TENT5C: variants seen among roughly 807,000 people sequenced by gnomAD.
TENT5C encodes terminal nucleotidyltransferase 5C.
TENT5C carries 5 observed loss-of-function variants against 22.2 expected under a neutral mutation model. The observed-to-expected ratio is 0.22, with a 90% confidence interval of 0.12 to 0.47. TENT5C has a LOEUF of 0.47. Among genes scored for constraint, TENT5C ranks in the 20% least tolerant of loss-of-function variants. The pLI, the probability that TENT5C is intolerant of heterozygous loss-of-function variation, is 0.99. For missense variants in TENT5C, 364 were observed against 500.9 expected (o/e 0.73, Z 2.61); for synonymous variants, 199 against 195.4 (o/e 1.02, Z -0.15).
In TENT5C at chr1:117,622,914, G is replaced by A. The variant is rs34495780; in HGVS notation, c.46G>A (p.Val16Met). 1.1e-4 allele frequency: 170 copies of A among 1,613,870 alleles called. 1 individual carries two copies. The highest frequency in any genetic ancestry group is 1.3e-4 in the Non-Finnish European group (153 of 1,179,888). Residue 16 changes from valine (V) to methionine (M), a missense_variant, in exon 2 of 2, where the codon GTG (valine) becomes ATG (methionine). Coordinates refer to ENST00000369448, the MANE Select transcript of TENT5C (RefSeq NM_017709.4). ...SCTRDCMSFS[V>M]LNWDQVSRLH... The stretch of plus-strand genomic sequence containing the variant: ...TACCAGGGATTGCATGTCCTTCAGC[G>A]TGCTCAACTGGGATCAGGTTAGCCG...
At chr1:117,610,584 G>A (rs1653648670) in intron 1 of TENT5C, among the ~76,000 whole-genome samples, 1 of 152,190 alleles carries the variant, frequency 6.6e-6, no homozygotes, top group Non-Finnish European at 1.5e-5. Flanking sequence ...CTGGAGTGCA[G>A]TAGCACGATC....
rs530567437 is a variant in TENT5C at position 117,616,345 on chromosome 1, C to T, written c.-27-6497C>T. ...TGGACTTGGAGTCGTGGTTGTCATTCACTCTTGTTAAGGGAAGAAGTGGGA... is the reference window on the plus strand; with the variant it reads ...TGGACTTGGAGTCGTGGTTGTCATTTACTCTTGTTAAGGGAAGAAGTGGGA... On this transcript the variant is annotated intron_variant, in intron 1 of 1. Coordinates refer to ENST00000369448, the MANE Select transcript of TENT5C (RefSeq NM_017709.4). 1.5e-3 allele frequency among the ~76,000 whole-genome samples: 223 copies of T among 152,324 alleles called. 2 individuals carry two copies. The highest frequency in any genetic ancestry group is 1.8e-3 in the Non-Finnish European group (123 of 68,024).
chr1:117,624,640 A>G lies in TENT5C; in HGVS notation c.*596A>G, dbSNP rs1231568160. 3.6e-5 allele frequency: 9 copies of G among 248,258 alleles called. No homozygotes were observed. The highest frequency in any genetic ancestry group is 6.6e-5 in the African/African-American group (3 of 45,358). 15.4% of individuals were successfully genotyped at this position (248,258 alleles called of 1,614,324 possible). A position where few individuals can be genotyped will look rare whatever the true frequency, so the allele number is the denominator to read the frequency against. ...GTCATTCATCAATAAACCAAAGCCA[A>G]TAGCTGGAGAATTGAGATCTGGTTG... is the stretch of plus-strand genomic sequence containing the variant. On this transcript the variant is annotated 3_prime_UTR_variant, in exon 2 of 2. Coordinates refer to ENST00000369448, the MANE Select transcript of TENT5C (RefSeq NM_017709.4).
chr1:117,615,634 G>A (rs1214434887), intron 1 of TENT5C, among the ~76,000 whole-genome samples: 3 of 152,342 alleles, frequency 2.0e-5, no homozygotes, highest in Non-Finnish European at 4.4e-5. Flanking sequence ...GGCTCTGCAT[G>A]TATTAGCACC....
chr1:117,619,225 T>G (rs922368269), intron 1 of TENT5C, among the ~76,000 whole-genome samples: 2 of 152,202 alleles, frequency 1.3e-5, no homozygotes, highest in African/African-American at 2.4e-5. Flanking sequence ...TTAAGTGTCT[T>G]GTGTCCGGAG....
rs71766466 is a variant in TENT5C, at chr1:117,627,844, CTG to C, written c.*3819_*3820del. ...AAGGTTAAGATCAGGAAATAAAAGACTGTGTGTGTGTGTGTGTGTGCGTGTGT... is the reference window on the plus strand; with the variant it reads ...AAGGTTAAGATCAGGAAATAAAAGACTGTGTGTGTGTGTGTGTGCGTGTGT... On this transcript the variant is annotated 3_prime_UTR_variant, in exon 2 of 2. Coordinates refer to ENST00000369448, the MANE Select transcript of TENT5C (RefSeq NM_017709.4). The C allele has an allele frequency of 0.31, 66,895 of 216,580 alleles. 7,607 individuals carry two copies. Among genetic ancestry groups the C allele is most frequent in the Non-Finnish European group, 0.34 (35,256 of 102,392 alleles). 13.4% of individuals were successfully genotyped at this position (216,580 alleles called of 1,614,324 possible). A position where few individuals can be genotyped will look rare whatever the true frequency, so the allele number is the denominator to read the frequency against.
chr1:117,622,386 A>G (rs1653912717), intron 1 of TENT5C, among the ~76,000 whole-genome samples: 1 of 149,836 alleles, frequency 6.7e-6, no homozygotes. Flanking sequence ...TCTGTGTATG[A>G]ATGTTGTAGC....
At chr1:117,608,903 G>T (rs1384621200) in intron 1 of TENT5C, among the ~76,000 whole-genome samples, 1 of 152,060 alleles carries the variant, frequency 6.6e-6, no homozygotes, top group African/African-American at 2.4e-5. Flanking sequence ...GTGCATGTGT[G>T]TGTGTTTAGG....
chr1:117,617,599 G>A (rs1223593088), intron 1 of TENT5C, among the ~76,000 whole-genome samples: 1 of 152,104 alleles, frequency 6.6e-6, no homozygotes, highest in Non-Finnish European at 1.5e-5. Context: ...CAGTAAAAGG[G>A]AAATGAAACA....
At chr1:117,621,762 A>G (rs1653899906) in intron 1 of TENT5C, among the ~76,000 whole-genome samples, 1 of 152,240 alleles carries the variant, frequency 6.6e-6, no homozygotes, top group Non-Finnish European at 1.5e-5. Flanking sequence ...TTTTACATCC[A>G]TCTAGCAAAT....
Position 117,625,319 on chromosome 1 carries a change from T to C in TENT5C, c.*1275T>C, listed in dbSNP as rs1653985016. ...CCAAGGCACTTTGAAATCATTCCAG[T>C]ATATTTGGGAAGAATTGAGTGAATG... On this transcript the variant is annotated 3_prime_UTR_variant, in exon 2 of 2. Coordinates refer to ENST00000369448, the MANE Select transcript of TENT5C (RefSeq NM_017709.4). 4.0e-6 allele frequency: 1 copy of C among 247,990 alleles called. No individual in the cohort carries two copies. The highest frequency in any genetic ancestry group is 2.2e-5 in the African/African-American group (1 of 45,334). The allele number at this position is 247,990 out of a possible 1,614,324, so 15.4% of individuals were successfully genotyped here.
chr1:117,624,822 G>A lies in TENT5C; in HGVS notation c.*778G>A. The stretch of plus-strand genomic sequence containing the variant: ...GAATTGTGGTGGTGGTAGTGGAAGG[G>A]GATAATTGTAAATAGGAAACATGAA... On this transcript the variant is annotated 3_prime_UTR_variant, in exon 2 of 2. Coordinates refer to ENST00000369448, the MANE Select transcript of TENT5C (RefSeq NM_017709.4). 1 of 247,780 alleles carries A rather than the reference G, an allele frequency of 4.0e-6. No individual in the cohort carries two copies. Among genetic ancestry groups the A allele is most frequent in the East Asian group, 6.0e-5 (1 of 16,558 alleles). 15.3% of individuals were successfully genotyped at this position (247,780 alleles called of 1,614,324 possible).
At chr1:117,613,024 C>A (rs569977611) in intron 1 of TENT5C, among the ~76,000 whole-genome samples, 13 of 152,310 alleles carry the variant, frequency 8.5e-5, no homozygotes, top group African/African-American at 3.1e-4. Context: ...AGTAAGCAGT[C>A]TCCTCCTTAG....
intron 1 of TENT5C, among the ~76,000 whole-genome samples, chr1:117,616,050 C>T (rs565181779): frequency 2.0e-4 from 30 of 152,326 alleles, no homozygotes; most frequent in Middle Eastern, 3.4e-3. Context: ...CACTCCGTGT[C>T]CACCTCCCAT....
chr1:117,615,517 G>A (rs911075906), intron 1 of TENT5C, among the ~76,000 whole-genome samples: 2 of 152,134 alleles, frequency 1.3e-5, no homozygotes, highest in African/African-American at 2.4e-5. Context: ...TATTTGTGAT[G>A]TTGTAAAAGA....
chr1:117,617,110 C>T (rs1350181090), intron 1 of TENT5C, among the ~76,000 whole-genome samples: 1 of 152,216 alleles, frequency 6.6e-6, no homozygotes, highest in Non-Finnish European at 1.5e-5. Context: ...TCCCGCTCGC[C>T]CACCTTGGGT....
At chr1:117,616,325 T>G (rs1653778988) in intron 1 of TENT5C, among the ~76,000 whole-genome samples, 1 of 152,214 alleles carries the variant, frequency 6.6e-6, no homozygotes, top group Non-Finnish European at 1.5e-5. Context: ...AGAGATGGAC[T>G]TGGAGTCGTG....
rs1653982750 is a variant in TENT5C, at chr1:117,625,266, A to C, written c.*1222A>C. On this transcript the variant is annotated 3_prime_UTR_variant, in exon 2 of 2. Coordinates refer to ENST00000369448, the MANE Select transcript of TENT5C (RefSeq NM_017709.4). ...AAGGGGAAGCTGGGGGGTTAGCATG[A>C]AGTCTGGCCTTGTGTGCATTGGAGC... 8.1e-6 allele frequency: 2 copies of C among 248,056 alleles called. No individual in the cohort carries two copies. Among genetic ancestry groups the C allele is most frequent in the Non-Finnish European group, 1.7e-5 (2 of 118,156 alleles). The allele number at this position is 248,056 out of a possible 1,614,324, so 15.4% of individuals were successfully genotyped here.
intron 1 of TENT5C, among the ~76,000 whole-genome samples, chr1:117,613,174 A>C (rs185729663): frequency 6.6e-6 from 1 of 152,048 alleles, no homozygotes; most frequent in Non-Finnish European, 1.5e-5. Flanking sequence ...GTGGTTACCA[A>C]GTAGCAACAA....
Sources: allele counts gnomAD v4.1 joint callset (sites outside exome capture counted in the v4.1 genomes callset), GRCh38; gene constraint gnomAD v4.1.1; transcripts MANE v1.5; gene names NCBI Gene and HGNC (gene_info 2026-07-23, HGNC 2026-07-21).